Variants in ALKBH1 observed in about 807,000 individuals in gnomAD.
ALKBH1 encodes nucleic acid dioxygenase ALKBH1.
In ALKBH1, 31 loss-of-function variants were observed where a neutral mutation model predicts 36.6. The observed-to-expected ratio is 0.85, with a 90% confidence interval of 0.64 to 1.14. The LOEUF (loss-of-function observed/expected upper bound fraction) is 1.14, where lower values mean the gene tolerates loss of function less well. ALKBH1 is among the 50% of genes most tolerant of loss of function. ALKBH1 has a pLI of 0.00. For missense variants in ALKBH1, 490 were observed against 497.3 expected (o/e 0.99, Z 0.14); for synonymous variants, 183 against 186.6 (o/e 0.98, Z 0.16).
intron 2 of ALKBH1, among the ~76,000 whole-genome samples, chr14:77,702,916 A>G (rs1443905515): frequency 6.6e-6 from 1 of 152,112 alleles, no homozygotes; most frequent in African/African-American, 2.4e-5. Flanking sequence ...GCACTCTGGG[A>G]GACCGAGGCG....
At chr14:77,683,382 A>G in intron 3 of ALKBH1, 1 of 780,636 alleles carries the variant, frequency 1.3e-6, no homozygotes, top group Non-Finnish European at 2.3e-6. Flanking sequence ...CTCGGCTCTT[A>G]GAGTGCTTAA....
chr14:77,697,844 C>T (rs541839196), intron 2 of ALKBH1, among the ~76,000 whole-genome samples: 1 of 152,032 alleles, frequency 6.6e-6, no homozygotes, highest in South Asian at 2.1e-4. Context: ...GAAACCCTGT[C>T]TCTACAAAAA....
chr14:77,702,680 C>A (rs1047291662), intron 2 of ALKBH1, among the ~76,000 whole-genome samples: 1 of 152,096 alleles, frequency 6.6e-6, no homozygotes, highest in African/African-American at 2.4e-5. Context: ...AGCTACCTAA[C>A]ATTACTAAAT....
In ALKBH1 at chr14:77,680,677, C is replaced by CTTTTTTTTTTT. The variant is rs1555383644; in HGVS notation, c.456-718_456-708dup. Among the ~76,000 whole-genome samples, 239 of 124,156 alleles carry CTTTTTTTTTTT rather than the reference C, an allele frequency of 1.9e-3. 6 individuals carry two copies. Among genetic ancestry groups the CTTTTTTTTTTT allele is most frequent in the African/African-American group, 5.5e-3 (172 of 31,240 alleles). 81.5% of individuals were successfully genotyped at this position (124,156 alleles called of 152,430 possible). A position where few individuals can be genotyped will look rare whatever the true frequency, so the allele number is the denominator to read the frequency against. Reference sequence around the variant, plus strand: ...GATCAAATCTATGTGATTAACTACTCTTTTTTTTTTTTTTTTTTTGAGACA... The same window carrying CTTTTTTTTTTT: ...GATCAAATCTATGTGATTAACTACTCTTTTTTTTTTTTTTTTTTTTTTTTTTTTTTGAGACA... On this transcript the variant is annotated intron_variant, in intron 3 of 5. Coordinates refer to ENST00000216489, the MANE Select transcript of ALKBH1 (RefSeq NM_006020.3).
At chr14:77,685,171 G>A (rs1015323002) in intron 3 of ALKBH1, among the ~76,000 whole-genome samples, 5 of 152,074 alleles carry the variant, frequency 3.3e-5, no homozygotes, top group Non-Finnish European at 5.9e-5. Flanking sequence ...CACTGGGAGC[G>A]GTGGCTCACG....
chr14:77,701,423 T>C (rs988188784), intron 2 of ALKBH1, among the ~76,000 whole-genome samples: 1 of 152,200 alleles, frequency 6.6e-6, no homozygotes, highest in African/African-American at 2.4e-5. Flanking sequence ...CCAGGTAACC[T>C]GGCACCAGAA....
Position 77,679,941 on chromosome 14 carries a change from CG to C in ALKBH1, c.484del (p.Arg162GlufsTer10), listed in dbSNP as rs2080227799. On this transcript the variant is annotated frameshift_variant, in exon 4 of 6. Transcript: ENST00000216489. LOFTEE classifies it high-confidence loss of function. ...CCAACGCAGTTTCTCCAGTAAACTT[CG>C]GGGTCTCCGTTTAGTCGCTTCTTTA... ...RYKEATKRRP[R>X]SLLEKLRWVT... 6.2e-7 allele frequency: 1 copy of C among 1,614,060 alleles called. No homozygotes were observed. The highest frequency in any genetic ancestry group is 8.5e-7 in the Non-Finnish European group (1 of 1,179,946).
intron 3 of ALKBH1, among the ~76,000 whole-genome samples, chr14:77,682,601 G>A (rs111371607): frequency 0.012 from 1,771 of 152,338 alleles, 20 homozygotes; most frequent in Non-Finnish European, 0.017. Context: ...GATGGTAGAA[G>A]TGGTAGTAAA....
intron 3 of ALKBH1, among the ~76,000 whole-genome samples, chr14:77,690,944 G>A (rs2080293744): frequency 6.6e-6 from 1 of 152,092 alleles, no homozygotes; most frequent in South Asian, 2.1e-4. Flanking sequence ...TGGGATTATA[G>A]GCATGCGCCA....
intron 5 of ALKBH1, 38 bp from the exon 6 acceptor site, chr14:77,674,279 G>T: frequency 6.7e-7 from 1 of 1,495,928 alleles, no homozygotes; most frequent in Non-Finnish European, 8.9e-7. Flanking sequence ...CAATAAAAAA[G>T]TATAAATTTT....
At chr14:77,704,586 T>C (rs539997325) in intron 1 of ALKBH1, 109 bp from the exon 2 acceptor site, 2 of 820,400 alleles carry the variant, frequency 2.4e-6, no homozygotes, top group South Asian at 1.5e-5. Flanking sequence ...CTAGGATTCT[T>C]GTTTAAGATA....
intron 2 of ALKBH1, among the ~76,000 whole-genome samples, chr14:77,699,067 T>G (rs1271141881): frequency 1.3e-5 from 2 of 152,170 alleles, no homozygotes; most frequent in South Asian, 4.1e-4. Flanking sequence ...GCCACTGCGC[T>G]TGCCCTTATT....
chr14:77,678,755 G>A (rs952492675), intron 4 of ALKBH1, among the ~76,000 whole-genome samples: 1 of 152,026 alleles, frequency 6.6e-6, no homozygotes, highest in South Asian at 2.1e-4. Flanking sequence ...AAGAAAACAC[G>A]AAACTGTCAA....
chr14:77,687,504 C>A (rs1017370455), intron 3 of ALKBH1, among the ~76,000 whole-genome samples: 2 of 152,100 alleles, frequency 1.3e-5, no homozygotes, highest in Non-Finnish European at 2.9e-5. Context: ...TACCCCCTAT[C>A]TTTCCTTCCC....
At position 77,703,083 on chromosome 14, in the gene ALKBH1, T is replaced by C. The variant is rs369457532; in HGVS notation, c.292+1286A>G. 3.4e-4 allele frequency among the ~76,000 whole-genome samples: 51 copies of C among 151,824 alleles called. 1 individual carries two copies. In the East Asian group the frequency reaches 8.2e-3, roughly 24 times the overall value. ...ATCACTTGAACCTGGCAGGCGGAGG[T>C]TGCAGTGAGCTGAGATTGTGCCACT... On this transcript the variant is annotated intron_variant, in intron 2 of 5. Transcript: ENST00000216489.
chr14:77,679,848 A>G (rs1471118672), intron 4 of ALKBH1, 32 bp downstream of exon 4: 2 of 1,551,388 alleles, frequency 1.3e-6, no homozygotes, highest in East Asian at 2.2e-5. Flanking sequence ...GCCTATAAAC[A>G]GAAAACAAAA....
intron 3 of ALKBH1, among the ~76,000 whole-genome samples, chr14:77,686,961 T>C (rs998489927): frequency 1.3e-5 from 2 of 152,134 alleles, no homozygotes; most frequent in African/African-American, 4.8e-5. Context: ...CAGTTTTCTC[T>C]CTCCCTTCTC....
At chr14:77,675,361 G>A (rs546430047) in intron 5 of ALKBH1, among the ~76,000 whole-genome samples, 3 of 152,028 alleles carry the variant, frequency 2.0e-5, no homozygotes, top group Admixed American at 2.0e-4. Context: ...TTGAAACTGG[G>A]AGGCGGAGGT....
intron 2 of ALKBH1, among the ~76,000 whole-genome samples, chr14:77,698,346 G>A (rs1223543655): frequency 1.3e-5 from 2 of 152,164 alleles, no homozygotes; most frequent in East Asian, 3.9e-4. Flanking sequence ...TGAACTAAAG[G>A]AACTCCTCCT....
Sources: allele counts gnomAD v4.1 joint callset (sites outside exome capture counted in the v4.1 genomes callset), GRCh38; gene constraint gnomAD v4.1.1; transcripts MANE v1.5; gene names NCBI Gene and HGNC (gene_info 2026-07-23, HGNC 2026-07-21).